The following ZMYM4 variants were observed in gnomAD, a reference collection of about 807,000 sequenced individuals.
The protein encoded by ZMYM4 is zinc finger MYM-type containing 4, also known as zinc finger MYM-type protein 4.
A neutral mutation model predicts 183.2 loss-of-function variants in ZMYM4; 31 were observed. The ratio of observed to expected loss-of-function variants is 0.17; its 90% CI spans 0.13 to 0.23. The LOEUF is 0.23. Among genes scored for constraint, ZMYM4 ranks in the 10% least tolerant of loss-of-function variants. The pLI is 1.00. For synonymous variants in ZMYM4, 592 were observed against 631.2 expected, an observed-to-expected ratio of 0.94 and a Z score of 0.93; for missense variants, 1,273 against 1,840.3, an observed-to-expected ratio of 0.69 and a Z score of 5.64.
chr1:35,412,913 A>G lies in ZMYM4; in HGVS notation c.3949-1059A>G, dbSNP rs144534058. Among the ~76,000 whole-genome samples the G allele has an allele frequency of 2.0e-5, 3 of 152,270 alleles. No individual in the cohort carries two copies. The East Asian group carries it at 5.8e-4, about 29-fold the overall frequency. On this transcript the variant is annotated intron_variant, in intron 26 of 29. Coordinates refer to ENST00000314607, the MANE Select transcript of ZMYM4 (RefSeq NM_005095.3). ...AAATGCAAGAAACCAAGATAGCCAC[A>G]GAAATATAAATTAAAAATACTAAAC...
chr1:35,414,121 T>C, intron 27 of ZMYM4, 38 bp downstream of exon 27: 2 of 1,211,134 alleles, frequency 1.7e-6, no homozygotes, highest in Non-Finnish European at 2.4e-6. Context: ...CATGATATGC[T>C]TTCTTAAATT....
chr1:35,277,183 A>G (rs1358883981), intron 1 of ZMYM4, among the ~76,000 whole-genome samples: 2 of 152,206 alleles, frequency 1.3e-5, no homozygotes, highest in Non-Finnish European at 2.9e-5. Flanking sequence ...CGATAAATTA[A>G]TCAGAGCCCA....
intron 1 of ZMYM4, among the ~76,000 whole-genome samples, chr1:35,273,502 A>G (rs1639719109): frequency 6.6e-6 from 1 of 152,202 alleles, no homozygotes; most frequent in South Asian, 2.1e-4. Context: ...GTCTTTTCAA[A>G]GTTTACATAC....
chr1:35,377,045 T>C (rs908336846), intron 7 of ZMYM4, among the ~76,000 whole-genome samples: 1 of 152,110 alleles, frequency 6.6e-6, no homozygotes, highest in African/African-American at 2.4e-5. Context: ...TAGCTGGGAC[T>C]ACAGGCGCAT....
chr1:35,318,238 A>G (rs1259520883), intron 1 of ZMYM4, among the ~76,000 whole-genome samples: 2 of 151,228 alleles, frequency 1.3e-5, no homozygotes, highest in South Asian at 2.1e-4. Context: ...TTGTATTTTT[A>G]GTAGAGACAG....
rs188475117 is a variant in ZMYM4, at chr1:35,406,574, G to A, written c.3796+1106G>A. 3.5e-3 allele frequency among the ~76,000 whole-genome samples: 526 copies of A among 152,224 alleles called. 2 individuals are homozygous for A. Among genetic ancestry groups the A allele is most frequent in the Non-Finnish European group, 4.8e-3 (327 of 68,012 alleles). ...GGGGAAGGGTAATAGTGCAAATGGA[G>A]AGGTAATACTGCTTTAGACTACTAA... is the stretch of plus-strand genomic sequence containing the variant. On this transcript the variant is annotated intron_variant, in intron 25 of 29. Transcript: ENST00000314607.
At chr1:35,412,097 T>C (rs1639934332) in intron 26 of ZMYM4, among the ~76,000 whole-genome samples, 1 of 151,062 alleles carries the variant, frequency 6.6e-6, no homozygotes, top group Non-Finnish European at 1.5e-5. Flanking sequence ...TTCACCGTGG[T>C]CTCGATCTCC....
At chr1:35,305,895 A>G (rs534644658) in intron 1 of ZMYM4, among the ~76,000 whole-genome samples, 1 of 152,210 alleles carries the variant, frequency 6.6e-6, no homozygotes, top group East Asian at 1.9e-4. Context: ...ATGTGGTTAT[A>G]TATAATATCA....
At chr1:35,387,395 A>G (rs556281586) in intron 12 of ZMYM4, 59 bp from the exon 13 acceptor site, 94 of 1,569,978 alleles carry the variant, frequency 6.0e-5, no homozygotes, top group Non-Finnish European at 7.4e-5. Context: ...AAGGGAGATA[A>G]GGAGTTCCAT....
At position 35,397,524 on chromosome 1, in the gene ZMYM4, A is replaced by G. The variant is rs1558166819; in HGVS notation, c.3178A>G (p.Lys1060Glu). The change falls in exon 20 of 30, where the codon AAG (lysine) becomes GAG (glutamate). Residue 1060 changes from lysine (K) to glutamate (E), a missense_variant. By Grantham distance (56) the Lys-to-Glu change is moderately conservative. Around this residue, in one of 6 missense-constraint regions of ZMYM4, gnomAD observed 290 missense variants for 353.3 expected, o/e 0.82. Coordinates refer to ENST00000314607, the MANE Select transcript of ZMYM4 (RefSeq NM_005095.3). Reference protein sequence around the residue: ...MAEMIAEDEEKKTLSQGESQT... With the variant: ...MAEMIAEDEEEKTLSQGESQT... ...AGAAATGATTGCAGAAGATGAAGAGAAGAAGACTCTATCTCAGGGAGGTTG... is the reference window on the plus strand; with the variant it reads ...AGAAATGATTGCAGAAGATGAAGAGGAGAAGACTCTATCTCAGGGAGGTTG... 1.9e-6 allele frequency: 3 copies of G among 1,611,848 alleles called. No homozygotes were observed. The highest frequency in any genetic ancestry group is 2.5e-6 in the Non-Finnish European group (3 of 1,179,052).
In ZMYM4 at chr1:35,392,678, C is replaced by T. The variant is rs772119440; in HGVS notation, c.2760C>T (p.Ile920=). Residue 920 remains isoleucine, a synonymous_variant, in exon 17 of 30, where the codon ATC becomes ATT. Transcript: ENST00000314607. ...TTCCAACAGTAACAGCGAAAATCATCGGTGATGTAAGTTTTATTACTTTTA... is the reference window on the plus strand; with the variant it reads ...TTCCAACAGTAACAGCGAAAATCATTGGTGATGTAAGTTTTATTACTTTTA... ...GAVPTVTAKI[I]GDASTQTDAL... 3.0e-5 allele frequency: 48 copies of T among 1,596,080 alleles called. No homozygotes were observed. The East Asian group carries it at 4.7e-4, about 16-fold the overall frequency.
intron 5 of ZMYM4, among the ~76,000 whole-genome samples, chr1:35,363,065 C>T (rs561945448): frequency 1.3e-5 from 2 of 152,078 alleles, no homozygotes; most frequent in Non-Finnish European, 2.9e-5. Flanking sequence ...CCAGCTACTT[C>T]GGAGGCTGAG....
chr1:35,314,664 A>ATTTTTTTTTTTTTTT lies in ZMYM4; in HGVS notation c.40-10693_40-10679dup, dbSNP rs769116908. On this transcript the variant is annotated intron_variant, in intron 1 of 29. Transcript: ENST00000314607. Reference sequence around the variant, plus strand: ...GACATTATTTAACTATTCAAAAATGATTTTTTTTTTTTTTTTTGCTGGGGT... The same window carrying ATTTTTTTTTTTTTTT: ...GACATTATTTAACTATTCAAAAATGATTTTTTTTTTTTTTTTTTTTTTTTTTTTTTTTGCTGGGGT... Among the ~76,000 whole-genome samples the ATTTTTTTTTTTTTTT allele has an allele frequency of 1.3e-4, 12 of 88,946 alleles. 1 individual carries two copies. The highest frequency in any genetic ancestry group is 3.8e-4 in the African/African-American group (8 of 21,284). The allele number at this position is 88,946 out of a possible 152,430, so 58.4% of individuals were successfully genotyped here.
chr1:35,387,906 C>T (rs865980382), intron 13 of ZMYM4, among the ~76,000 whole-genome samples: 2 of 152,032 alleles, frequency 1.3e-5, no homozygotes, highest in Non-Finnish European at 2.9e-5. Context: ...GCTTCTAGTT[C>T]GTGTACTTAT....
At position 35,419,889 on chromosome 1, in the gene ZMYM4, A is replaced by T. The variant is rs1400431247; in HGVS notation, c.*212A>T. The T allele has an allele frequency of 1.8e-6, 1 of 564,282 alleles. No homozygotes were observed. Among genetic ancestry groups the T allele is most frequent in the Admixed American group, 3.0e-5 (1 of 32,790 alleles). 35.0% of individuals were successfully genotyped at this position (564,282 alleles called of 1,614,324 possible). On this transcript the variant is annotated 3_prime_UTR_variant, in exon 30 of 30. Coordinates refer to ENST00000314607, the MANE Select transcript of ZMYM4 (RefSeq NM_005095.3). ...GAGAAATGTTCTTTGGCAGTGATAT[A>T]GTTCTTAGACATCTTCAGAATGACT...
intron 1 of ZMYM4, among the ~76,000 whole-genome samples, chr1:35,314,162 T>C (rs756396266): frequency 6.6e-6 from 1 of 152,246 alleles, no homozygotes; most frequent in African/African-American, 2.4e-5. Flanking sequence ...AGGAATGCCA[T>C]GATTTTATCA....
At chr1:35,304,385 A>G (rs1641431234) in intron 1 of ZMYM4, among the ~76,000 whole-genome samples, 1 of 151,866 alleles carries the variant, frequency 6.6e-6, no homozygotes, top group Non-Finnish European at 1.5e-5. Flanking sequence ...ATCTTGTTTT[A>G]TAGTGATTTC....
intron 1 of ZMYM4, among the ~76,000 whole-genome samples, chr1:35,303,138 A>G (rs1641367690): frequency 6.6e-6 from 1 of 151,150 alleles, no homozygotes; most frequent in Non-Finnish European, 1.5e-5. Flanking sequence ...CAAAAAATCC[A>G]GAAATTAGTT....
At chr1:35,296,522 C>T (rs941844158) in intron 1 of ZMYM4, among the ~76,000 whole-genome samples, 2 of 152,120 alleles carry the variant, frequency 1.3e-5, no homozygotes, top group African/African-American at 4.8e-5. Context: ...AATTTTTTGG[C>T]CTGTAAAACT....
Sources: gnomAD v4.1 joint callset for allele counts (sites outside exome capture counted in the v4.1 genomes callset) on GRCh38, gnomAD v4.1.1 for gene constraint, gnomAD v4.1.1 regional missense constraint, MANE v1.5 for transcripts, NCBI Gene and HGNC (gene_info 2026-07-23, HGNC 2026-07-21) for gene names.